The following FBXL20 variants were observed in gnomAD, a reference collection of about 807,000 sequenced individuals.
FBXL20 encodes the protein F-box/LRR-repeat protein 20.
A neutral mutation model predicts 64.0 loss-of-function variants in FBXL20; 11 were observed. The observed-to-expected ratio is 0.17, with a 90% CI of 0.11 to 0.28. The LOEUF is 0.28. Ranked by LOEUF, FBXL20 falls within the 10% of genes least tolerant of loss-of-function variation. The pLI is 1.00. For missense variants in FBXL20, 303 were observed against 526.2 expected, an observed-to-expected ratio of 0.58 and a Z score of 4.15; for synonymous variants, 184 against 189.0, an observed-to-expected ratio of 0.97 and a Z score of 0.22.
At chr17:39,357,390 T>C (rs1438574442) in intron 1 of FBXL20, among the ~76,000 whole-genome samples, 1 of 152,170 alleles carries the variant, frequency 6.6e-6, no homozygotes, top group Non-Finnish European at 1.5e-5. Flanking sequence ...TACTGTTCCA[T>C]TAATCTATAC....
At chr17:39,362,614 C>A (rs1183850833) in intron 1 of FBXL20, among the ~76,000 whole-genome samples, 1 of 151,356 alleles carries the variant, frequency 6.6e-6, no homozygotes, top group Non-Finnish European at 1.5e-5. Flanking sequence ...TGAGCCACCA[C>A]ACCCGGCTTT....
chr17:39,381,865 G>A (rs1231498785), intron 1 of FBXL20, among the ~76,000 whole-genome samples: 1 of 150,462 alleles, frequency 6.6e-6, no homozygotes, highest in East Asian at 2.0e-4. Flanking sequence ...GGGAAGCCGA[G>A]GGGGGCGGAT....
intron 6 of FBXL20, among the ~76,000 whole-genome samples, 193 bp downstream of exon 6, chr17:39,296,934 G>T (rs1044508488): frequency 3.9e-5 from 6 of 152,056 alleles, no homozygotes; most frequent in Admixed American, 3.9e-4. Flanking sequence ...ACCTTAAATT[G>T]TATCAAAGAT....
rs8080830 is a variant in FBXL20 at position 39,374,221 on chromosome 17, T to C, written c.42+27140A>G. ...GCCTGGGCGACAAAGCAAAACTACG[T>C]CTCAAAGAAAAAAAGAAAAAAAAAA... On this transcript the variant is annotated intron_variant, in intron 1 of 14. Coordinates refer to ENST00000264658, the MANE Select transcript of FBXL20 (RefSeq NM_032875.3). 6.2e-5 allele frequency among the ~76,000 whole-genome samples: 9 copies of C among 145,798 alleles called. No homozygotes were observed. In the South Asian group the frequency reaches 2.0e-3, roughly 32 times the overall value.
intron 1 of FBXL20, among the ~76,000 whole-genome samples, chr17:39,396,956 C>CA (rs1253381568): frequency 0.013 from 1,030 of 78,232 alleles, 14 homozygotes; most frequent in African/African-American, 0.055. Context: ...GACTCCGGCT[C>CA]AAAAAAAAAA....
intron 1 of FBXL20, among the ~76,000 whole-genome samples, chr17:39,363,404 G>A (rs962219829): frequency 7.2e-5 from 11 of 151,836 alleles, no homozygotes; most frequent in Admixed American, 6.6e-4. Flanking sequence ...TGATCCTCCC[G>A]CTTCAGCCTC....
chr17:39,399,715 A>G (rs1567911701), intron 1 of FBXL20, among the ~76,000 whole-genome samples: 1 of 152,200 alleles, frequency 6.6e-6, no homozygotes, highest in East Asian at 1.9e-4. Context: ...TTAATACAGC[A>G]ACAAATTTCC....
At chr17:39,382,973 G>A (rs1281925655) in intron 1 of FBXL20, among the ~76,000 whole-genome samples, 1 of 151,620 alleles carries the variant, frequency 6.6e-6, no homozygotes, top group Non-Finnish European at 1.5e-5. Flanking sequence ...TGGCCAACAT[G>A]GTGAAACCCC....
chr17:39,289,013 G>C (rs2047013477), intron 6 of FBXL20, among the ~76,000 whole-genome samples: 1 of 151,978 alleles, frequency 6.6e-6, no homozygotes, highest in Non-Finnish European at 1.5e-5. Context: ...GAAGCATAAA[G>C]GTTTTTAATT....
intron 2 of FBXL20, among the ~76,000 whole-genome samples, chr17:39,319,738 G>GAA (rs531960977): frequency 2.0e-4 from 23 of 113,568 alleles, no homozygotes; most frequent in Non-Finnish European, 3.4e-4. Flanking sequence ...GTGAAGGCCA[G>GAA]AAAAAAAAAA....
intron 9 of FBXL20, among the ~76,000 whole-genome samples, chr17:39,277,495 G>A (rs1413659488): frequency 2.6e-5 from 4 of 152,084 alleles, no homozygotes; most frequent in South Asian, 4.1e-4. Flanking sequence ...GGTGGCTCGC[G>A]TCTGTAATCT....
At chr17:39,337,773 G>T (rs1333582994) in intron 2 of FBXL20, among the ~76,000 whole-genome samples, 2 of 151,882 alleles carry the variant, frequency 1.3e-5, no homozygotes, top group African/African-American at 4.8e-5. Context: ...CGGGAGGGAG[G>T]TGGGGGTCAG....
At chr17:39,383,648 G>A (rs2048048067) in intron 1 of FBXL20, among the ~76,000 whole-genome samples, 1 of 148,236 alleles carries the variant, frequency 6.7e-6, no homozygotes, top group Non-Finnish European at 1.5e-5. Context: ...GGAGTGCAGT[G>A]GCGCGATCTC....
At chr17:39,391,409 T>A (rs1410421247) in intron 1 of FBXL20, among the ~76,000 whole-genome samples, 1 of 152,022 alleles carries the variant, frequency 6.6e-6, no homozygotes, top group East Asian at 1.9e-4. Context: ...CTATCTAATC[T>A]CTCTCCAGAG....
At chr17:39,268,750 G>T in intron 12 of FBXL20, 77 bp downstream of exon 12, 2 of 1,253,582 alleles carry the variant, frequency 1.6e-6, no homozygotes, top group Non-Finnish European at 2.3e-6. Context: ...CTAGGGTAGG[G>T]AATTGCACAT....
intron 2 of FBXL20, among the ~76,000 whole-genome samples, chr17:39,334,214 G>A (rs1300981166): frequency 6.6e-6 from 1 of 152,096 alleles, no homozygotes; most frequent in East Asian, 1.9e-4. Context: ...TCCACTAAGG[G>A]TTAAATGGAT....
chr17:39,313,782 T>C (rs1401449773), intron 2 of FBXL20, among the ~76,000 whole-genome samples: 2 of 152,030 alleles, frequency 1.3e-5, no homozygotes, highest in Non-Finnish European at 2.9e-5. Context: ...ATTACAGGCA[T>C]GCGCCACCAT....
intron 1 of FBXL20, among the ~76,000 whole-genome samples, chr17:39,396,071 G>GGA (rs372439695): frequency 2.8e-5 from 3 of 108,968 alleles, no homozygotes; most frequent in African/African-American, 6.6e-5. Context: ...AAGACTTTTC[G>GGA]AAAAAAAAAA....
At chr17:39,311,325 C>A (rs1262135387) in intron 2 of FBXL20, among the ~76,000 whole-genome samples, 2 of 152,172 alleles carry the variant, frequency 1.3e-5, no homozygotes, top group Non-Finnish European at 2.9e-5. Context: ...ATTTTCCCTT[C>A]TTTCATTACA....
Sources: gnomAD v4.1 joint callset for allele counts (sites outside exome capture counted in the v4.1 genomes callset) on GRCh38, gnomAD v4.1.1 for gene constraint, MANE v1.5 for transcripts, NCBI Gene and HGNC (gene_info 2026-07-23, HGNC 2026-07-21) for gene names.